The following NKAIN3 variants were observed in gnomAD, a reference collection of about 807,000 sequenced individuals.
NKAIN3 encodes sodium/potassium-transporting ATPase subunit beta-1-interacting protein 3.
Under a neutral mutation model 30.2 loss-of-function variants are expected in NKAIN3, and 25 were observed. That is an observed-to-expected ratio of 0.83 (90% CI 0.60 to 1.16). The LOEUF (loss-of-function observed/expected upper bound fraction) is 1.16, where lower values mean the gene tolerates loss of function less well. Ranked by LOEUF, NKAIN3 falls within the 50% of genes most tolerant of loss-of-function variation. The probability of loss-of-function intolerance (pLI) is 0.00; values close to 1 mark genes in which losing one functional copy is unlikely to be tolerated. For missense variants in NKAIN3, 225 were observed against 254.1 expected (o/e 0.89, Z 0.78); for synonymous variants, 91 against 89.6 (o/e 1.02, Z -0.09).
intron 4 of NKAIN3, among the ~76,000 whole-genome samples, chr8:62,748,843 A>G (rs1816173124): frequency 6.6e-6 from 1 of 152,208 alleles, no homozygotes; most frequent in Admixed American, 6.5e-5. Context: ...TCATATTTAC[A>G]GGTATAAATA....
intron 1 of NKAIN3, among the ~76,000 whole-genome samples, chr8:62,366,466 A>G (rs1816744665): frequency 6.6e-6 from 1 of 152,098 alleles, no homozygotes; most frequent in Admixed American, 6.5e-5. Flanking sequence ...ACCTCAAGTG[A>G]TCAGCTGCCT....
chr8:62,346,629 A>G (rs1468723036), intron 1 of NKAIN3, among the ~76,000 whole-genome samples: 1 of 152,102 alleles, frequency 6.6e-6, no homozygotes, highest in Non-Finnish European at 1.5e-5. Context: ...GAAGTGGCAC[A>G]ACATGGATAT....
intron 4 of NKAIN3, among the ~76,000 whole-genome samples, chr8:62,788,747 A>G (rs1029893228): frequency 5.9e-5 from 9 of 151,534 alleles, no homozygotes; most frequent in African/African-American, 2.2e-4. Flanking sequence ...TCAGCTTTCT[A>G]CATATGGCTA....
chr8:62,795,627 A>G (rs2170113), intron 4 of NKAIN3, among the ~76,000 whole-genome samples: 116,699 of 152,146 alleles, frequency 0.77, 45,027 homozygotes, highest in Admixed American at 0.82. Flanking sequence ...ATGGAATTAA[A>G]AGAGAATTAG....
chr8:62,673,209 A>G (rs1813364052), intron 3 of NKAIN3, among the ~76,000 whole-genome samples: 1 of 152,246 alleles, frequency 6.6e-6, no homozygotes, highest in South Asian at 2.1e-4. Flanking sequence ...GTTTCTCACA[A>G]TTCCTTATTA....
At chr8:62,713,101 C>A (rs538303636) in intron 3 of NKAIN3, among the ~76,000 whole-genome samples, 1 of 152,150 alleles carries the variant, frequency 6.6e-6, no homozygotes, top group Non-Finnish European at 1.5e-5. Flanking sequence ...CATGCAGGAG[C>A]AGTCTGCTTC....
Position 62,320,953 on chromosome 8 carries a change from G to A in NKAIN3, c.54+71826G>A, listed in dbSNP as rs574750987. On this transcript the variant is annotated intron_variant, in intron 1 of 6. Coordinates refer to ENST00000623646, the MANE Select transcript of NKAIN3 (RefSeq NM_001304533.3). ...TTTCCAACTTGTTTCCATTCTCCCT[G>A]TCACTTTCAGGTACACCAATCTGAT... Among the ~76,000 whole-genome samples, 67 of 152,258 alleles carry A rather than the reference G, an allele frequency of 4.4e-4. No individual in the cohort carries two copies. The Middle Eastern group carries it at 0.017, about 39-fold the overall frequency.
chr8:62,432,703 T>C (rs545437821), intron 1 of NKAIN3, among the ~76,000 whole-genome samples: 3 of 152,206 alleles, frequency 2.0e-5, no homozygotes, highest in East Asian at 3.9e-4. Flanking sequence ...AAATTTTGAA[T>C]GTAGATTTCA....
chr8:62,910,572 A>G (rs1821899793), intron 4 of NKAIN3, among the ~76,000 whole-genome samples: 1 of 152,138 alleles, frequency 6.6e-6, no homozygotes, highest in Non-Finnish European at 1.5e-5. Flanking sequence ...TTTATATTAT[A>G]CAGATTTCTT....
intron 1 of NKAIN3, among the ~76,000 whole-genome samples, chr8:62,456,535 A>T (rs1188222587): frequency 2.0e-5 from 3 of 151,730 alleles, no homozygotes; most frequent in East Asian, 1.9e-4. Context: ...AAAAAAAAAT[A>T]AAAATAAGGA....
At chr8:62,330,229 G>A (rs770913940) in intron 1 of NKAIN3, among the ~76,000 whole-genome samples, 6 of 151,956 alleles carry the variant, frequency 3.9e-5, no homozygotes, top group Admixed American at 1.3e-4. Flanking sequence ...TGAGGATGGG[G>A]GGGTGAGCTG....
intron 3 of NKAIN3, 85 bp downstream of exon 3, chr8:62,589,879 G>C: frequency 1.2e-5 from 1 of 82,414 alleles, no homozygotes; most frequent in East Asian, 1.1e-4. Flanking sequence ...GGTATATTGT[G>C]TGTGTGTGTG....
intron 3 of NKAIN3, among the ~76,000 whole-genome samples, chr8:62,734,995 C>T (rs775977021): frequency 5.3e-5 from 8 of 152,180 alleles, no homozygotes; most frequent in Non-Finnish European, 8.8e-5. Context: ...GTTTTTCTTT[C>T]TAGGTTACCT....
At chr8:62,954,650 G>T in intron 6 of NKAIN3, among the ~76,000 whole-genome samples, 1 of 151,886 alleles carries the variant, frequency 6.6e-6, no homozygotes, top group East Asian at 1.9e-4. Flanking sequence ...AAATAGATAG[G>T]GTGACTCCAT....
intron 4 of NKAIN3, among the ~76,000 whole-genome samples, chr8:62,880,988 C>G (rs1232734978): frequency 1.3e-5 from 2 of 152,154 alleles, no homozygotes; most frequent in Non-Finnish European, 2.9e-5. Flanking sequence ...TGGAAACTCT[C>G]TGTACTTTCT....
At chr8:62,256,614 T>G (rs1003951527) in intron 1 of NKAIN3, among the ~76,000 whole-genome samples, 34 of 152,152 alleles carry the variant, frequency 2.2e-4, no homozygotes, top group Admixed American at 1.2e-3. Flanking sequence ...TCTGCACATG[T>G]AGCATCTGGT....
Position 62,855,752 on chromosome 8 carries a change from G to A in NKAIN3, c.472-62701G>A. 11 of 1,346,848 alleles carry A rather than the reference G, an allele frequency of 8.2e-6. No homozygotes were observed. In the South Asian group the frequency reaches 1.2e-4, roughly 14 times the overall value. The allele number at this position is 1,346,848 out of a possible 1,614,324, so 83.4% of individuals were successfully genotyped here. On this transcript the variant is annotated intron_variant, in intron 4 of 6. Transcript: ENST00000623646. Reference sequence around the variant, plus strand: ...CATCTTGTCCACCTGCTCTGGAGTTGCCATGACTTTCAGTAAAGGGCATCT... The same window carrying A: ...CATCTTGTCCACCTGCTCTGGAGTTACCATGACTTTCAGTAAAGGGCATCT...
intron 1 of NKAIN3, among the ~76,000 whole-genome samples, chr8:62,475,128 A>G (rs1475691591): frequency 2.0e-5 from 3 of 152,196 alleles, no homozygotes; most frequent in Non-Finnish European, 1.5e-5. Context: ...CAAAGAACAG[A>G]AGGGATAAAA....
chr8:62,697,428 GT>G (rs1203364904), intron 3 of NKAIN3, among the ~76,000 whole-genome samples: 1 of 152,186 alleles, frequency 6.6e-6, no homozygotes, highest in Non-Finnish European at 1.5e-5. Context: ...CTTTCTTCAA[GT>G]TTTTTCTCAA....
Sources: allele counts gnomAD v4.1 joint callset (sites outside exome capture counted in the v4.1 genomes callset), GRCh38; gene constraint gnomAD v4.1.1; transcripts MANE v1.5; gene names NCBI Gene and HGNC (gene_info 2026-07-23, HGNC 2026-07-21).